PSMA1: variants seen among roughly 807,000 people sequenced by gnomAD.
PSMA1 encodes proteasome subunit alpha type-1.
Under a neutral mutation model 38.4 loss-of-function variants are expected in PSMA1, and 3 were observed. The ratio of observed to expected loss-of-function variants is 0.08; its 90% CI spans 0.04 to 0.20. PSMA1 has a LOEUF of 0.20. PSMA1 is among the 10% of genes least tolerant of loss of function. The probability of loss-of-function intolerance (pLI) is 1.00; values close to 1 mark genes in which losing one functional copy is unlikely to be tolerated. For missense variants in PSMA1, 227 were observed against 325.3 expected (o/e 0.70, Z 2.32); for synonymous variants, 101 against 107.1 (o/e 0.94, Z 0.35).
At chr11:14,553,289 T>C (rs899924823) in intron 2 of PSMA1, among the ~76,000 whole-genome samples, 2 of 152,162 alleles carry the variant, frequency 1.3e-5, no homozygotes, top group African/African-American at 2.4e-5. Flanking sequence ...ATTCAGGAAA[T>C]TTATATTGGT....
intron 2 of PSMA1, among the ~76,000 whole-genome samples, chr11:14,592,336 C>T (rs1490220457): frequency 1.3e-5 from 2 of 150,984 alleles, no homozygotes; most frequent in African/African-American, 2.4e-5. Context: ...TCATCGACCC[C>T]GTCTCAACTC....
At chr11:14,519,185 C>T (rs1470187142) in intron 1 of PSMA1, 144 bp from the exon 2 acceptor site, 3 of 737,806 alleles carry the variant, frequency 4.1e-6, no homozygotes, top group African/African-American at 3.5e-5. Flanking sequence ...TACTACTGTA[C>T]TCAGATGTAA....
chr11:14,637,444 A>T (rs1853123834), intron 1 of PSMA1, among the ~76,000 whole-genome samples: 1 of 152,226 alleles, frequency 6.6e-6, no homozygotes, highest in South Asian at 2.1e-4. Flanking sequence ...CAAACTGAGG[A>T]CAGGGACCGT....
At chr11:14,604,547 T>C (rs1339256723) in intron 2 of PSMA1, among the ~76,000 whole-genome samples, 1 of 152,220 alleles carries the variant, frequency 6.6e-6, no homozygotes, top group Non-Finnish European at 1.5e-5. Context: ...TTTCTTGAAA[T>C]CACCTCTTTT....
At chr11:14,642,699 C>T (rs2133731018) in intron 1 of PSMA1, among the ~76,000 whole-genome samples, 1 of 152,288 alleles carries the variant, frequency 6.6e-6, no homozygotes, top group Non-Finnish European at 1.5e-5. Flanking sequence ...GGGAGGGAAA[C>T]ACAGTTCACT....
chr11:14,510,190 C>T (rs1271980159), intron 8 of PSMA1, among the ~76,000 whole-genome samples: 1 of 152,154 alleles, frequency 6.6e-6, no homozygotes, highest in Non-Finnish European at 1.5e-5. Context: ...TTTTCCTCTT[C>T]CTCTCGATGA....
chr11:14,517,066 CTTCAT>C (rs1851441970), intron 4 of PSMA1, among the ~76,000 whole-genome samples: 1 of 152,192 alleles, frequency 6.6e-6, no homozygotes, highest in Admixed American at 6.5e-5. Context: ...AGCCCTATCT[CTTCAT>C]TTATGTATTG....
At chr11:14,605,620 C>T (rs1047018943) in intron 2 of PSMA1, among the ~76,000 whole-genome samples, 11 of 152,174 alleles carry the variant, frequency 7.2e-5, no homozygotes, top group Non-Finnish European at 1.3e-4. Flanking sequence ...CTCCTGGAAT[C>T]AAGCAATTCT....
At chr11:14,617,186 G>A (rs1223881631) in intron 1 of PSMA1, among the ~76,000 whole-genome samples, 2 of 152,200 alleles carry the variant, frequency 1.3e-5, no homozygotes, top group Middle Eastern at 3.4e-3. Context: ...CTCCTTCTCT[G>A]GGAAGGAAAG....
intron 2 of PSMA1, among the ~76,000 whole-genome samples, chr11:14,563,946 TTAAA>T (rs1852039386): frequency 6.6e-6 from 1 of 152,224 alleles, no homozygotes; most frequent in Non-Finnish European, 1.5e-5. Context: ...ACAACCATAA[TTAAA>T]TAAAGTCTGT....
At chr11:14,602,823 T>G (rs996440805) in intron 2 of PSMA1, among the ~76,000 whole-genome samples, 3 of 152,126 alleles carry the variant, frequency 2.0e-5, no homozygotes, top group Non-Finnish European at 4.4e-5. Context: ...ATGGATTAGG[T>G]GTGGGCTCAG....
upstream of PSMA1, chr11:14,520,455 G>T: frequency 6.4e-7 from 1 of 1,561,710 alleles, no homozygotes; most frequent in South Asian, 1.2e-5. Context: ...CGATAGGCTT[G>T]CAACACTTCC....
chr11:14,616,174 TG>T (rs1852770272), intron 1 of PSMA1, among the ~76,000 whole-genome samples: 1 of 151,716 alleles, frequency 6.6e-6, no homozygotes, highest in South Asian at 2.1e-4. Context: ...GTAAGAACTG[TG>T]TAAGATTTCT....
At chr11:14,592,105 T>C (rs1297681365) in intron 2 of PSMA1, among the ~76,000 whole-genome samples, 1 of 151,322 alleles carries the variant, frequency 6.6e-6, no homozygotes, top group Non-Finnish European at 1.5e-5. Context: ...CCTGAGCCAG[T>C]GAGACCACGA....
intron 2 of PSMA1, among the ~76,000 whole-genome samples, chr11:14,591,083 G>A (rs928678839): frequency 3.9e-5 from 6 of 152,228 alleles, no homozygotes; most frequent in Admixed American, 6.5e-5. Context: ...AGCGGGAACC[G>A]GGGCTGCGTG....
chr11:14,513,783 A>G lies in PSMA1; in HGVS notation c.414+34T>C, dbSNP rs192223247. On this transcript the variant is annotated intron_variant, in intron 6 of 9. Coordinates refer to ENST00000396394, the MANE Select transcript of PSMA1 (RefSeq NM_002786.4). ...AAAAATTTCTAGTTAATTAAAAAAA[A>G]TCATTAACATATAACAATATTCAAT... The G allele has an allele frequency of 6.5e-6, 10 of 1,549,356 alleles. No individual in the cohort carries two copies. The East Asian group carries it at 2.3e-4, about 35-fold the overall frequency.
intron 2 of PSMA1, among the ~76,000 whole-genome samples, chr11:14,584,782 C>A (rs1852323811): frequency 6.6e-6 from 1 of 152,202 alleles, no homozygotes; most frequent in Admixed American, 6.5e-5. Context: ...CTGTGACTGA[C>A]CTTTGGTTCT....
chr11:14,604,845 TAG>T (rs1565056566), intron 2 of PSMA1, among the ~76,000 whole-genome samples: 5 of 152,198 alleles, frequency 3.3e-5, no homozygotes, highest in Non-Finnish European at 7.3e-5. Flanking sequence ...TTAATTTGCT[TAG>T]GATAATGACC....
chr11:14,539,872 A>AC (rs964954950), intron 2 of PSMA1, among the ~76,000 whole-genome samples: 28 of 151,954 alleles, frequency 1.8e-4, no homozygotes, highest in Non-Finnish European at 3.7e-4. Flanking sequence ...AAGAAAAAAA[A>AC]AACAACAACA....
Sources: gnomAD v4.1 joint callset for allele counts (sites outside exome capture counted in the v4.1 genomes callset) on GRCh38, gnomAD v4.1.1 for gene constraint, MANE v1.5 for transcripts, NCBI Gene and HGNC (gene_info 2026-07-23, HGNC 2026-07-21) for gene names.